TTN: variants seen among roughly 807,000 people sequenced by gnomAD.
The protein encoded by TTN is titin, also known as connectin.
A neutral mutation model predicts 3,223.0 loss-of-function variants in TTN; 1,525 were observed. The observed-to-expected ratio is 0.47, with a 90% confidence interval of 0.45 to 0.49. The LOEUF is 0.49. TTN is among the 20% of genes least tolerant of loss of function. The pLI is 0.00. For synonymous variants in TTN, 14,094 were observed against 15,161.0 expected, an observed-to-expected ratio of 0.93 and a Z score of 5.17; for missense variants, 40,786 against 43,424.0, an observed-to-expected ratio of 0.94 and a Z score of 5.40.
intron 214 of TTN, 103 bp from the exon 215 acceptor site, chr2:178,647,247 C>T (rs950152398): frequency 4.0e-5 from 48 of 1,194,662 alleles, no homozygotes; most frequent in Non-Finnish European, 5.5e-5. Flanking sequence ...CACTCTATAA[C>T]AGATTATTCA....
rs1057523544 is a variant in TTN at position 178,579,610 on chromosome 2, A to G, written c.67587T>C (p.Asn22529=). The G allele has an allele frequency of 2.5e-6, 4 of 1,613,262 alleles. No homozygotes were observed. The highest frequency in any genetic ancestry group is 1.7e-6 in the Non-Finnish European group (2 of 1,179,494). ...YTFRVSAENE[N]GEGTPSEITV... ...TGATTTCGCTTGGGGTTCCTTCTCC[A>G]TTTTCATTCTCAGCACTCACTCTGA... The change falls in exon 319 of 363, where the codon AAT becomes AAC. Residue 22529 remains asparagine, a synonymous_variant. Transcript: ENST00000589042.
chr2:178,554,783 G>A, intron 331 of TTN, 31 bp from the exon 332 acceptor site: 4 of 1,612,322 alleles, frequency 2.5e-6, no homozygotes, highest in Non-Finnish European at 3.4e-6. Flanking sequence ...CACGATGTTA[G>A]TACTTCTTTA....
chr2:178,575,467 C>T lies in TTN; in HGVS notation c.70665G>A (p.Lys23555=), dbSNP rs200320762. The T allele has an allele frequency of 3.3e-5, 53 of 1,613,500 alleles. No individual in the cohort carries two copies. Among genetic ancestry groups the T allele is most frequent in the Non-Finnish European group, 4.3e-5 (51 of 1,179,670 alleles). The change falls in exon 326 of 363, where the codon AAG becomes AAA. Residue 23555 remains lysine, a synonymous_variant. Transcript: ENST00000589042. The surrounding 1 kb of genome is among the most constrained non-coding windows in gnomAD (Gnocchi z 4.0). The part of the protein sequence containing the change: ...TKSTVSLAWP[K]PKHDGGSKIT... ...TCTTGCTGCCACCATCGTGTTTGGG[C>T]TTAGGCCATGCCAGGCTGACGGTGC...
chr2:178,560,124 T>C lies in TTN; in HGVS notation c.86008A>G (p.Ile28670Val), dbSNP rs1442019751. ...IVDSGKTTIT[I>V]AWVKPLFDGG... The stretch of plus-strand genomic sequence containing the variant: ...TCAAACAGCGGCTTAACCCAGGCAA[T>C]AGTTATAGTTGTCTTGCCTGAGTCC... The change falls in exon 326 of 363, where the codon ATT becomes GTT. Residue 28670 changes from isoleucine to valine, a missense_variant. Coordinates refer to ENST00000589042, the MANE Select transcript of TTN (RefSeq NM_001267550.2). 5 of 1,613,536 alleles carry C rather than the reference T, an allele frequency of 3.1e-6. No homozygotes were observed. The South Asian group carries it at 4.4e-5, about 14-fold the overall frequency.
chr2:178,735,254 T>G (rs2081250376), intron 50 of TTN, among the ~76,000 whole-genome samples: 1 of 152,186 alleles, frequency 6.6e-6, no homozygotes, highest in Admixed American at 6.5e-5. Context: ...GCTCAGACAC[T>G]TGGAGTTTTT....
At chr2:178,762,557 T>A (rs1420062989) in intron 43 of TTN, among the ~76,000 whole-genome samples, 1 of 152,202 alleles carries the variant, frequency 6.6e-6, no homozygotes, top group Non-Finnish European at 1.5e-5. Flanking sequence ...TATTACTACT[T>A]TGAATGATGT....
chr2:178,695,471 T>C (rs1191695130), intron 114 of TTN, 61 bp from the exon 115 acceptor site: 2 of 1,293,206 alleles, frequency 1.5e-6, no homozygotes, highest in African/African-American at 2.9e-5. Flanking sequence ...CTTAGGTTGT[T>C]AATTGCAAAT....
At position 178,671,028 on chromosome 2, in the gene TTN, A is replaced by G. The variant is rs769178553; in HGVS notation, c.35308+62T>C. Reference sequence around the variant, plus strand: ...TCAAGTGGAATGCAAACTTGTGCTTATAAAGCAACCAAGGTGCTATTGTAT... The same window carrying G: ...TCAAGTGGAATGCAAACTTGTGCTTGTAAAGCAACCAAGGTGCTATTGTAT... On this transcript the variant is annotated intron_variant, in intron 156 of 362. Coordinates refer to ENST00000589042, the MANE Select transcript of TTN (RefSeq NM_001267550.2). The G allele has an allele frequency of 1.1e-5, 14 of 1,289,764 alleles. No homozygotes were observed. In the South Asian group the frequency reaches 1.8e-4, roughly 17 times the overall value. The allele number at this position is 1,289,764 out of a possible 1,614,324, so 79.9% of individuals were successfully genotyped here.
chr2:178,578,752 A>C, intron 320 of TTN, 37 bp from the exon 321 acceptor site: 1 of 1,603,168 alleles, frequency 6.2e-7, no homozygotes, highest in Non-Finnish European at 8.5e-7. Flanking sequence ...TTATAATAAG[A>C]AGCCTCCTCA....
In TTN at chr2:178,620,775, CATT is replaced by C. The variant is rs749235079; in HGVS notation, c.45832_45834del (p.Asn15278del). 4 of 1,612,800 alleles carry C rather than the reference CATT, an allele frequency of 2.5e-6. No homozygotes were observed. The highest frequency in any genetic ancestry group is 2.5e-6 in the Non-Finnish European group (3 of 1,179,152). On this transcript the variant is annotated inframe_deletion, in exon 247 of 363. Transcript: ENST00000589042. The stretch of plus-strand genomic sequence containing the variant: ...TCACCTCTGTGATTGGTCAAAGACA[CATT>C]ATAGTTGGCTTGGTCATCTAAGTGT...
chr2:178,562,520 G>T lies in TTN; in HGVS notation c.83612C>A (p.Thr27871Asn). Residue 27871 changes from threonine to asparagine, a missense_variant, in exon 326 of 363, where the codon ACT becomes AAT. Thr to Asn is a moderately conservative substitution (Grantham distance 65). Transcript: ENST00000589042. ...TGTATTACGGGTCACATCAACAAGA[G>T]TTACTCTTCCAGGTGGGAGGGGTGG... ...SEPPLPPGRV[T>N]LVDVTRNTAT... 1 of 1,611,350 alleles carries T rather than the reference G, an allele frequency of 6.2e-7. No individual in the cohort carries two copies. Among genetic ancestry groups the T allele is most frequent in the African/African-American group, 1.3e-5 (1 of 74,852 alleles).
At chr2:178,640,733 T>C in intron 220 of TTN, 103 bp from the exon 221 acceptor site, 2 of 882,260 alleles carry the variant, frequency 2.3e-6, no homozygotes, top group Non-Finnish European at 3.5e-6. Flanking sequence ...GATGGTTTTT[T>C]AAAAAACCTT....
chr2:178,547,866 T>C lies in TTN; in HGVS notation c.93760A>G (p.Met31254Val), dbSNP rs759588322. 2.5e-6 allele frequency: 4 copies of C among 1,613,902 alleles called. No homozygotes were observed. In the South Asian group the frequency reaches 4.4e-5, roughly 18 times the overall value. Reference protein sequence around the residue: ...APKVTWKLEEMRLKETDRVSI... With the variant: ...APKVTWKLEEVRLKETDRVSI... ...ACTCGATCTGTCTCTTTAAGTCTCATTTCTTCCAGTTTCCATGTTACTTTG... is the reference window on the plus strand; with the variant it reads ...ACTCGATCTGTCTCTTTAAGTCTCACTTCTTCCAGTTTCCATGTTACTTTG... The change falls in exon 339 of 363, where the codon ATG (methionine) becomes GTG (valine). Residue 31254 changes from methionine (M) to valine (V), a missense_variant. Physicochemically the swap from Met to Val is conservative, Grantham distance 21. Coordinates refer to ENST00000589042, the MANE Select transcript of TTN (RefSeq NM_001267550.2).
chr2:178,763,073 A>G (rs1257690149), intron 43 of TTN, among the ~76,000 whole-genome samples: 1 of 152,242 alleles, frequency 6.6e-6, no homozygotes, highest in African/African-American at 2.4e-5. Flanking sequence ...TAAACAAAAC[A>G]ATACAACTTT....
Position 178,570,102 on chromosome 2 carries a change from G to A in TTN, c.76030C>T (p.Arg25344Trp), listed in dbSNP as rs371696090. 6.8e-6 allele frequency: 11 copies of A among 1,613,224 alleles called. No individual in the cohort carries two copies. Among genetic ancestry groups the A allele is most frequent in the South Asian group, 6.6e-5 (6 of 91,064 alleles). ...SEILGYVLEK[R>W]DKEGIRWTRC... ...GTCCATCTAATGCCTTCTTTATCCCGTTTCTCAAGAACATATCCAAGAATT... is the reference window on the plus strand; with the variant it reads ...GTCCATCTAATGCCTTCTTTATCCCATTTCTCAAGAACATATCCAAGAATT... The change falls in exon 326 of 363, where the codon CGG (arginine) becomes TGG (tryptophan). Residue 25344 changes from arginine (R) to tryptophan (W), a missense_variant. Physicochemically the swap from Arg to Trp is moderately radical, Grantham distance 101. Transcript: ENST00000589042.
intron 213 of TTN, among the ~76,000 whole-genome samples, chr2:178,648,017 C>T (rs748360637): frequency 1.8e-4 from 27 of 152,228 alleles, no homozygotes; most frequent in Middle Eastern, 3.4e-3. Context: ...AACCCAGTCC[C>T]CCTTTCCATT....
rs562561380 is a variant in TTN at position 178,636,575 on chromosome 2, T to A, written c.41152A>T (p.Thr13718Ser). The A allele has an allele frequency of 1.2e-6, 2 of 1,613,470 alleles. No homozygotes were observed. Among genetic ancestry groups the A allele is most frequent in the Non-Finnish European group, 1.7e-6 (2 of 1,179,594 alleles). Residue 13718 changes from threonine to serine, a missense_variant, in exon 225 of 363, where the codon ACC becomes TCC. Physicochemically the swap from Thr to Ser is moderately conservative, Grantham distance 58. Coordinates refer to ENST00000589042, the MANE Select transcript of TTN (RefSeq NM_001267550.2). This position sits in a 1 kb window ranked among gnomAD's most constrained non-coding sequence, Gnocchi z 4.3. ...ATATTGCTACCGTCTTTCATCCAGGTTGTAATTGCAGTGGAAGGGGAGACC... is the reference window on the plus strand; with the variant it reads ...ATATTGCTACCGTCTTTCATCCAGGATGTAATTGCAGTGGAAGGGGAGACC... Reference protein sequence around the residue: ...CLVSPSTAITTWMKDGSNIRE... With the variant: ...CLVSPSTAITSWMKDGSNIRE...
chr2:178,674,556 A>G (rs2067638451), intron 150 of TTN, 147 bp from the exon 151 acceptor site: 1 of 414,670 alleles, frequency 2.4e-6, no homozygotes, highest in East Asian at 3.6e-5. Context: ...TCTTCAAAAT[A>G]TGTTAGGCAT....
chr2:178,633,527 T>G lies in TTN; in HGVS notation c.42832A>C (p.Lys14278Gln), dbSNP rs1167849818. The G allele has an allele frequency of 6.2e-7, 1 of 1,613,320 alleles. No individual in the cohort carries two copies. The highest frequency in any genetic ancestry group is 1.3e-5 in the African/African-American group (1 of 74,902). The change falls in exon 232 of 363, where the codon AAG (lysine) becomes CAG (glutamine). Residue 14278 changes from lysine (K) to glutamine (Q), a missense_variant. Transcript: ENST00000589042. ...AAGATGCGGCGCAGGCCATCTGCCT[T>G]GATAGAATATTTGGGTGAAGGGACA... The part of the protein sequence containing the change: ...EIVPSPKYSI[K>Q]ADGLRRILKI...
Sources: allele counts gnomAD v4.1 joint callset (sites outside exome capture counted in the v4.1 genomes callset), GRCh38; gene constraint gnomAD v4.1.1; non-coding constraint Gnocchi (gnomAD v3.1); transcripts MANE v1.5; gene names NCBI Gene and HGNC (gene_info 2026-07-23, HGNC 2026-07-21).